Variants in NEK10 observed in about 807,000 individuals in gnomAD.
NEK10 encodes the protein serine/threonine-protein kinase Nek10.
Under a neutral mutation model 159.8 loss-of-function variants are expected in NEK10, and 122 were observed. The observed-to-expected ratio is 0.76, with a 90% CI of 0.66 to 0.89. The LOEUF (loss-of-function observed/expected upper bound fraction) is 0.89, where lower values mean the gene tolerates loss of function less well. Ranked by LOEUF, NEK10 falls within the 40% of genes least tolerant of loss-of-function variation. The probability of loss-of-function intolerance (pLI) is 0.00; values close to 1 mark genes in which losing one functional copy is unlikely to be tolerated. For synonymous variants in NEK10, 466 were observed against 457.1 expected (o/e 1.02, Z -0.25); for missense variants, 1,342 against 1,323.1 (o/e 1.01, Z -0.22).
chr3:27,355,038 G>A (rs1290921091), intron 1 of NEK10, among the ~76,000 whole-genome samples: 1 of 152,204 alleles, frequency 6.6e-6, no homozygotes, highest in African/African-American at 2.4e-5. Flanking sequence ...TCTGGGCAGA[G>A]TGCCCACATA....
At chr3:27,280,095 G>GAA (rs1203824501) in intron 22 of NEK10, among the ~76,000 whole-genome samples, 1,541 of 69,294 alleles carry the variant, frequency 0.022, 26 homozygotes, top group East Asian at 0.053. Flanking sequence ...CCCTAAAATG[G>GAA]AAAAAAAAAA....
chr3:27,220,263 G>T (rs1007427890), intron 23 of NEK10, among the ~76,000 whole-genome samples: 6 of 152,114 alleles, frequency 3.9e-5, no homozygotes, highest in Middle Eastern at 3.2e-3. Flanking sequence ...GTTTTGGTAG[G>T]GCTGCATTTC....
Position 27,299,741 on chromosome 3 carries a change from T to A in NEK10, c.1168+1955A>T, listed in dbSNP as rs182029147. Among the ~76,000 whole-genome samples, 15 of 152,358 alleles carry A rather than the reference T, an allele frequency of 9.8e-5. 1 individual carries two copies. The East Asian group carries it at 2.3e-3, about 24-fold the overall frequency. ...ACTTATAGCATCAGCGTGACCCAGA[T>A]GCAAGACATGGAGTCAAAGGAGATC... On this transcript the variant is annotated intron_variant, in intron 13 of 35. Coordinates refer to ENST00000691995, the MANE Select transcript of NEK10 (RefSeq NM_001394966.1).
intron 28 of NEK10, among the ~76,000 whole-genome samples, chr3:27,173,561 G>A (rs1224401438): frequency 6.6e-6 from 1 of 152,136 alleles, no homozygotes; most frequent in Admixed American, 6.5e-5. Flanking sequence ...TCATTTCGAT[G>A]GACCAATTAA....
At chr3:27,325,795 T>C (rs904751444) in intron 5 of NEK10, among the ~76,000 whole-genome samples, 6 of 152,196 alleles carry the variant, frequency 3.9e-5, no homozygotes, top group African/African-American at 1.4e-4. Context: ...TGTGGAGAGA[T>C]GTTGAGTAAG....
intron 35 of NEK10, among the ~76,000 whole-genome samples, chr3:27,111,695 C>T (rs113152504): frequency 0.12 from 17,724 of 151,994 alleles, 3,434 homozygotes; most frequent in African/African-American, 0.4. Context: ...ATCTTGTATA[C>T]TGTTATTTCT....
rs185011887 is a variant in NEK10, at chr3:27,149,776, G to A, written c.2870-8194C>T. On this transcript the variant is annotated intron_variant, in intron 30 of 35. Transcript: ENST00000691995. Reference sequence around the variant, plus strand: ...GTTCAAGTGGAAAAAAGAGTCACATGTCTCTTACTTTCAATCAAAAGGCAG... The same window carrying A: ...GTTCAAGTGGAAAAAAGAGTCACATATCTCTTACTTTCAATCAAAAGGCAG... Among the ~76,000 whole-genome samples, 7 of 152,278 alleles carry A rather than the reference G, an allele frequency of 4.6e-5. No individual in the cohort carries two copies. The East Asian group carries it at 1.4e-3, about 29-fold the overall frequency.
chr3:27,368,874 T>C (rs1035042278), intron 1 of NEK10, among the ~76,000 whole-genome samples: 5 of 152,068 alleles, frequency 3.3e-5, no homozygotes, highest in African/African-American at 1.2e-4. Flanking sequence ...GCGACGCTCA[T>C]AGAGATGAAG....
chr3:27,255,578 T>C (rs915314759), intron 23 of NEK10, among the ~76,000 whole-genome samples: 2 of 152,180 alleles, frequency 1.3e-5, no homozygotes, highest in African/African-American at 4.8e-5. Context: ...AATCTGCTTT[T>C]CTACTCTTTA....
chr3:27,108,499 G>A lies in NEK10; in HGVS notation c.*2773C>T, dbSNP rs896901497. On this transcript the variant is annotated 3_prime_UTR_variant, in exon 36 of 36. Coordinates refer to ENST00000691995, the MANE Select transcript of NEK10 (RefSeq NM_001394966.1). The stretch of plus-strand genomic sequence containing the variant: ...ATAATTCAGAAAGAGCTGGTGGGTC[G>A]AAACATAATTAACGGGAGCATTTGT... Among the ~76,000 whole-genome samples the A allele has an allele frequency of 2.0e-5, 3 of 152,342 alleles. No homozygotes were observed. Among genetic ancestry groups the A allele is most frequent in the South Asian group, 2.1e-4 (1 of 4,826 alleles).
chr3:27,359,693 A>T (rs1423355508), intron 1 of NEK10, among the ~76,000 whole-genome samples: 6 of 152,212 alleles, frequency 3.9e-5, no homozygotes, highest in Admixed American at 1.3e-4. Context: ...TGATGACTGT[A>T]ACATGGTGAT....
At chr3:27,237,538 G>A (rs1027620183) in intron 23 of NEK10, among the ~76,000 whole-genome samples, 6 of 147,968 alleles carry the variant, frequency 4.1e-5, no homozygotes, top group African/African-American at 7.7e-5. Flanking sequence ...CGGTCCCTCC[G>A]TTCGGGGTCC....
chr3:27,148,182 C>T (rs1216970076), intron 30 of NEK10, among the ~76,000 whole-genome samples: 1 of 152,160 alleles, frequency 6.6e-6, no homozygotes, highest in Non-Finnish European at 1.5e-5. Flanking sequence ...AGGCCTCTTG[C>T]TTTCAGGAGA....
intron 32 of NEK10, among the ~76,000 whole-genome samples, chr3:27,124,052 T>G (rs955882768): frequency 2.0e-4 from 31 of 151,908 alleles, no homozygotes; most frequent in African/African-American, 7.3e-4. Context: ...TGATCTGTTT[T>G]GAAAGGTTCA....
intron 26 of NEK10, among the ~76,000 whole-genome samples, chr3:27,189,905 A>G (rs140381489): frequency 7.9e-5 from 12 of 152,294 alleles, no homozygotes; most frequent in Admixed American, 7.8e-4. Flanking sequence ...TGAATGCTCA[A>G]TGAGGGCACT....
chr3:27,133,821 C>T (rs1394314795), intron 31 of NEK10, among the ~76,000 whole-genome samples: 1 of 152,080 alleles, frequency 6.6e-6, no homozygotes, highest in Non-Finnish European at 1.5e-5. Context: ...AGTCAAAATA[C>T]GTTAATTAGC....
chr3:27,357,507 G>A (rs1015220148), intron 1 of NEK10, among the ~76,000 whole-genome samples: 3 of 152,112 alleles, frequency 2.0e-5, no homozygotes, highest in Non-Finnish European at 2.9e-5. Context: ...GAAACTATCT[G>A]TAATAAAGAA....
At chr3:27,211,000 T>A (rs6551182) in intron 23 of NEK10, among the ~76,000 whole-genome samples, 95,659 of 152,032 alleles carry the variant, frequency 0.63, 31,760 homozygotes, top group African/African-American at 0.86. Flanking sequence ...TATACATAAA[T>A]TTCATAACAG....
chr3:27,200,697 T>C (rs1249261877), intron 25 of NEK10, among the ~76,000 whole-genome samples: 9 of 152,166 alleles, frequency 5.9e-5, no homozygotes, highest in African/African-American at 2.2e-4. Context: ...TCAGGGATGA[T>C]GAGTGCTGTG....
Sources: gnomAD v4.1 joint callset for allele counts (sites outside exome capture counted in the v4.1 genomes callset) on GRCh38, gnomAD v4.1.1 for gene constraint, MANE v1.5 for transcripts, NCBI Gene and HGNC (gene_info 2026-07-23, HGNC 2026-07-21) for gene names.